CADM2: variants seen among roughly 807,000 people sequenced by gnomAD.
CADM2 encodes the protein immunoglobulin superfamily member 4D.
A neutral mutation model predicts 49.8 loss-of-function variants in CADM2; 12 were observed. That is an observed-to-expected ratio of 0.24 (90% CI 0.15 to 0.39). CADM2 has a LOEUF of 0.39. CADM2 is among the 10% of genes least tolerant of loss of function. The pLI, the probability that CADM2 is intolerant of heterozygous loss-of-function variation, is 1.00. For synonymous variants in CADM2, 214 were observed against 175.4 expected (o/e 1.22, Z -1.74); for missense variants, 378 against 492.3 (o/e 0.77, Z 2.20).
chr3:85,845,375 C>T (rs1559697119), intron 3 of CADM2, among the ~76,000 whole-genome samples: 1 of 152,014 alleles, frequency 6.6e-6, no homozygotes, highest in Admixed American at 6.6e-5. Flanking sequence ...AGGTCTCCCT[C>T]CGGAGACCAC....
At chr3:85,568,112 T>C (rs2062322945) in intron 1 of CADM2, among the ~76,000 whole-genome samples, 1 of 152,202 alleles carries the variant, frequency 6.6e-6, no homozygotes, top group Admixed American at 6.5e-5. Context: ...TCTTACCAGC[T>C]ATCTATGTAT....
intron 1 of CADM2, among the ~76,000 whole-genome samples, chr3:85,304,090 A>G (rs369131083): frequency 1.3e-4 from 19 of 151,836 alleles, no homozygotes; most frequent in African/African-American, 4.6e-4. Context: ...GTAGCTCTAC[A>G]TTGTAAACTC....
In CADM2 at chr3:86,027,116, TCA is replaced by T. The variant is rs1454810867; in HGVS notation, c.971-38488_971-38487del. 7.2e-5 allele frequency among the ~76,000 whole-genome samples: 11 copies of T among 152,298 alleles called. No individual in the cohort carries two copies. In the South Asian group the frequency reaches 1.5e-3, roughly 20 times the overall value. Reference sequence around the variant, plus strand: ...ACAATTCTAGTAACAGGGTTCATCATCATTTATTTTTAAGTTTGCTATTTGAA... The same window carrying T: ...ACAATTCTAGTAACAGGGTTCATCATTTTATTTTTAAGTTTGCTATTTGAA... On this transcript the variant is annotated intron_variant, in intron 8 of 9. Transcript: ENST00000383699.
chr3:85,751,789 C>T (rs1445120863), intron 2 of CADM2, among the ~76,000 whole-genome samples: 1 of 152,122 alleles, frequency 6.6e-6, no homozygotes, highest in African/African-American at 2.4e-5. Flanking sequence ...TGACTAAGCC[C>T]ATGTTAAATT....
intron 1 of CADM2, among the ~76,000 whole-genome samples, chr3:85,337,179 C>G (rs2045112762): frequency 6.7e-6 from 1 of 149,986 alleles, no homozygotes; most frequent in African/African-American, 2.4e-5. Context: ...CCCACAACAC[C>G]TCTAAAAAAT....
chr3:85,678,275 A>G (rs1423776673), intron 1 of CADM2, among the ~76,000 whole-genome samples: 1 of 152,178 alleles, frequency 6.6e-6, no homozygotes, highest in South Asian at 2.1e-4. Context: ...ACCTAAAGCA[A>G]AAGGATAGTG....
chr3:85,487,069 C>A (rs2039446194), intron 1 of CADM2, among the ~76,000 whole-genome samples: 2 of 152,124 alleles, frequency 1.3e-5, no homozygotes, highest in Admixed American at 1.3e-4. Context: ...AAACATCTTT[C>A]TCCTCAATTC....
At chr3:85,918,189 T>C (rs1162152777) in intron 6 of CADM2, among the ~76,000 whole-genome samples, 2 of 152,150 alleles carry the variant, frequency 1.3e-5, no homozygotes, top group Non-Finnish European at 2.9e-5. Context: ...TCCAACACTA[T>C]GTTGAATAGG....
chr3:85,734,387 C>G (rs2107804405), intron 2 of CADM2, among the ~76,000 whole-genome samples: 1 of 152,000 alleles, frequency 6.6e-6, no homozygotes, highest in East Asian at 1.9e-4. Context: ...ACACATGGCA[C>G]TCTCAATGCA....
At chr3:85,043,092 G>A (rs1331376014) in intron 1 of CADM2, among the ~76,000 whole-genome samples, 1 of 152,106 alleles carries the variant, frequency 6.6e-6, no homozygotes, top group Non-Finnish European at 1.5e-5. Flanking sequence ...TGGGTGGGGG[G>A]TGAAGCTAGT....
intron 3 of CADM2, among the ~76,000 whole-genome samples, chr3:85,854,206 A>T (rs2075217620): frequency 6.6e-6 from 1 of 152,196 alleles, no homozygotes; most frequent in African/African-American, 2.4e-5. Context: ...GTATTCCACA[A>T]CCACTCTAAA....
chr3:85,994,467 C>A (rs1235896827), intron 8 of CADM2: 1 of 152,184 alleles, frequency 6.6e-6, no homozygotes, highest in Non-Finnish European at 1.5e-5. Context: ...TTATAATTTA[C>A]ATGTCCACCG....
intron 1 of CADM2, among the ~76,000 whole-genome samples, chr3:85,052,174 G>A (rs2035906142): frequency 6.6e-6 from 1 of 152,094 alleles, no homozygotes; most frequent in Non-Finnish European, 1.5e-5. Context: ...TTACTGAAAT[G>A]TATTTATGAT....
At chr3:85,096,868 C>T (rs1468612272) in intron 1 of CADM2, among the ~76,000 whole-genome samples, 1 of 152,166 alleles carries the variant, frequency 6.6e-6, no homozygotes, top group Middle Eastern at 3.4e-3. Context: ...TTTTGTTTAA[C>T]CTTCAGAGAA....
chr3:85,934,817 G>A (rs1721001931), intron 6 of CADM2, among the ~76,000 whole-genome samples: 2 of 151,908 alleles, frequency 1.3e-5, no homozygotes, highest in African/African-American at 2.4e-5. Context: ...TTCTGTTACA[G>A]CTAAGAAGGG....
intron 1 of CADM2, among the ~76,000 whole-genome samples, chr3:85,689,254 G>T (rs1013611966): frequency 6.6e-6 from 1 of 152,190 alleles, no homozygotes; most frequent in Non-Finnish European, 1.5e-5. Flanking sequence ...GTGGATGGAG[G>T]TGGGGGTAGG....
intron 3 of CADM2, among the ~76,000 whole-genome samples, chr3:85,851,725 A>G (rs533366218): frequency 1.3e-5 from 2 of 151,160 alleles, no homozygotes; most frequent in East Asian, 1.9e-4. Flanking sequence ...TAAACTCAGC[A>G]GAGTAGTGGC....
chr3:85,803,260 T>C (rs1439983047), intron 3 of CADM2, among the ~76,000 whole-genome samples: 1 of 152,152 alleles, frequency 6.6e-6, no homozygotes, highest in Non-Finnish European at 1.5e-5. Context: ...TAAATATTTA[T>C]TGAGAGTCCC....
At chr3:85,055,067 T>C (rs1168140123) in intron 1 of CADM2, among the ~76,000 whole-genome samples, 1 of 151,936 alleles carries the variant, frequency 6.6e-6, no homozygotes, top group African/African-American at 2.4e-5. Context: ...CTATTGAATT[T>C]GATGGGTCCT....
Sources: allele counts gnomAD v4.1 joint callset (sites outside exome capture counted in the v4.1 genomes callset), GRCh38; gene constraint gnomAD v4.1.1; transcripts MANE v1.5; gene names NCBI Gene and HGNC (gene_info 2026-07-23, HGNC 2026-07-21).